Variants in WBP2 observed in about 807,000 individuals in gnomAD.
The protein encoded by WBP2 is WW domain-binding protein 2.
In WBP2, 23 loss-of-function variants were observed where a neutral mutation model predicts 33.0. The observed-to-expected ratio is 0.70, with a 90% CI of 0.50 to 0.99. The LOEUF (loss-of-function observed/expected upper bound fraction) is 0.99, where lower values mean the gene tolerates loss of function less well. WBP2 is among the 50% of genes least tolerant of loss of function. WBP2 has a pLI of 0.00. For missense variants in WBP2, 353 were observed against 358.0 expected, an observed-to-expected ratio of 0.99 and a Z score of 0.11; for synonymous variants, 153 against 133.5, an observed-to-expected ratio of 1.15 and a Z score of -1.01.
At chr17:75,855,056 C>A (rs1314278617) in intron 1 of WBP2, 183 bp downstream of exon 1, 6 of 272,890 alleles carry the variant, frequency 2.2e-5, no homozygotes, top group African/African-American at 4.6e-5. Context: ...CTGATCACAA[C>A]CTCCCGGGCT....
intron 6 of WBP2, 53 bp from the exon 7 acceptor site, chr17:75,847,037 T>A (rs759704169): frequency 1.1e-5 from 18 of 1,608,136 alleles, no homozygotes; most frequent in Non-Finnish European, 1.4e-5. Context: ...CCCCCTGAGC[T>A]CAGCTAAGAG....
At chr17:75,856,303 TC>T (rs2065058334), upstream of WBP2, 1 of 151,582 alleles carries the variant, frequency 6.6e-6, no homozygotes, top group African/African-American at 2.4e-5. Context: ...GGGCTGCACT[TC>T]CCACGTGGTA....
At chr17:75,855,385 G>A, upstream of WBP2, 7 of 1,502,092 alleles carry the variant, frequency 4.7e-6, no homozygotes, top group East Asian at 2.3e-5. Context: ...TCTTATTAGA[G>A]TCAGCCAATC....
Position 75,846,644 on chromosome 17 carries a change from G to A in WBP2, c.*90C>T. 7.1e-7 allele frequency: 1 copy of A among 1,406,668 alleles called. No homozygotes were observed. The highest frequency in any genetic ancestry group is 1.8e-4 in the Middle Eastern group (1 of 5,612). 87.1% of individuals were successfully genotyped at this position (1,406,668 alleles called of 1,614,324 possible). On this transcript the variant is annotated 3_prime_UTR_variant, in exon 8 of 8. Transcript: ENST00000254806. This position sits in a 1 kb window ranked among gnomAD's most constrained non-coding sequence, Gnocchi z 4.8. ...TGATCAGACCTGGAGGGAGAACAAG[G>A]CGCCCCCTCCCCTCCCCAAGCCCCA...
intron 1 of WBP2, chr17:75,852,784 G>A (rs2065035718): frequency 1.0e-5 from 10 of 985,226 alleles, no homozygotes; most frequent in Non-Finnish European, 1.2e-5. Flanking sequence ...AAGTCCTTGT[G>A]ATAGATGTTC....
In WBP2 at chr17:75,845,870, T is replaced by C. The variant is rs567957403; in HGVS notation, c.*864A>G. ...CAGTCCAGGGACAAACAAGAGTGAATGTTAGCGCATCCAGGGGCACAAAGC... is the reference window on the plus strand; with the variant it reads ...CAGTCCAGGGACAAACAAGAGTGAACGTTAGCGCATCCAGGGGCACAAAGC... On this transcript the variant is annotated 3_prime_UTR_variant, in exon 8 of 8. Coordinates refer to ENST00000254806, the MANE Select transcript of WBP2 (RefSeq NM_012478.4). 3 of 152,698 alleles carry C rather than the reference T, an allele frequency of 2.0e-5. No homozygotes were observed. The highest frequency in any genetic ancestry group is 2.9e-5 in the Non-Finnish European group (2 of 68,146). 9.5% of individuals were successfully genotyped at this position (152,698 alleles called of 1,614,324 possible).
At chr17:75,849,365 A>G (rs2065014237) in intron 3 of WBP2, 2 of 482,926 alleles carry the variant, frequency 4.1e-6, no homozygotes, top group South Asian at 6.7e-5. Flanking sequence ...ATCTTGACTC[A>G]GTCCGCAGGC....
At chr17:75,848,475 G>T in intron 4 of WBP2, 95 bp downstream of exon 4, 1 of 1,228,788 alleles carries the variant, frequency 8.1e-7, no homozygotes, top group Non-Finnish European at 1.2e-6. Context: ...TACCTCTTGA[G>T]TTCTTGAAAA....
Position 75,846,619 on chromosome 17 carries a change from T to C in WBP2, c.*115A>G. 1 of 1,259,746 alleles carries C rather than the reference T, an allele frequency of 7.9e-7. No individual in the cohort carries two copies. The highest frequency in any genetic ancestry group is 1.1e-6 in the Non-Finnish European group (1 of 886,780). 78.0% of individuals were successfully genotyped at this position (1,259,746 alleles called of 1,614,324 possible). A position where few individuals can be genotyped will look rare whatever the true frequency, so the allele number is the denominator to read the frequency against. On this transcript the variant is annotated 3_prime_UTR_variant, in exon 8 of 8. Transcript: ENST00000254806. This position sits in a 1 kb window ranked among gnomAD's most constrained non-coding sequence, Gnocchi z 4.8. ...AATGCTAGTTCCTGGTAATTGTTTA[T>C]GATCAGACCTGGAGGGAGAACAAGG...
At position 75,846,694 on chromosome 17, in the gene WBP2, G is replaced by T; in HGVS notation, c.*40C>A. 6.6e-7 allele frequency: 1 copy of T among 1,506,012 alleles called. No individual in the cohort carries two copies. Among genetic ancestry groups the T allele is most frequent in the Non-Finnish European group, 8.9e-7 (1 of 1,122,984 alleles). The allele number at this position is 1,506,012 out of a possible 1,614,324, so 93.3% of individuals were successfully genotyped here. A position where few individuals can be genotyped will look rare whatever the true frequency, so the allele number is the denominator to read the frequency against. On this transcript the variant is annotated 3_prime_UTR_variant, in exon 8 of 8. Coordinates refer to ENST00000254806, the MANE Select transcript of WBP2 (RefSeq NM_012478.4). This position sits in a 1 kb window ranked among gnomAD's most constrained non-coding sequence, Gnocchi z 4.8. ...AGCACAGCCCCGATGGGAGGGGTAGGGTAGAGAGATGAGGGTGGGAGGCAG... is the reference window on the plus strand; with the variant it reads ...AGCACAGCCCCGATGGGAGGGGTAGTGTAGAGAGATGAGGGTGGGAGGCAG...
At chr17:75,855,951 G>A (rs1029685179), upstream of WBP2, among the ~76,000 whole-genome samples, 2 of 152,236 alleles carry the variant, frequency 1.3e-5, no homozygotes, top group Non-Finnish European at 2.9e-5. Flanking sequence ...GAGCCCGGGG[G>A]GCGGGGAGAG....
chr17:75,853,044 A>G (rs1215231442), intron 1 of WBP2, among the ~76,000 whole-genome samples: 2 of 151,954 alleles, frequency 1.3e-5, no homozygotes, highest in African/African-American at 4.8e-5. Context: ...TATTTTAATT[A>G]TAATTTTTTA....
chr17:75,852,184 T>C (rs967725915), intron 1 of WBP2: 7 of 155,174 alleles, frequency 4.5e-5, no homozygotes, highest in South Asian at 1.9e-4. Flanking sequence ...TTTGGGAGGC[T>C]GAGGCGGGTG....
chr17:75,855,339 C>CT, upstream of WBP2: 5 of 1,606,628 alleles, frequency 3.1e-6, no homozygotes, highest in Non-Finnish European at 4.2e-6. Flanking sequence ...ACGCAATGAG[C>CT]TTGCGCCCCT....
chr17:75,847,354 G>T, intron 6 of WBP2, 133 bp downstream of exon 6: 1 of 1,380,176 alleles, frequency 7.2e-7, no homozygotes, highest in Non-Finnish European at 9.9e-7. Flanking sequence ...GCCCTGCTGG[G>T]CCCCTGGGGT....
At chr17:75,849,828 T>C (rs752162405) in intron 2 of WBP2, 89 bp from the exon 3 acceptor site, 18 of 1,521,876 alleles carry the variant, frequency 1.2e-5, no homozygotes, top group Non-Finnish European at 1.6e-5. Flanking sequence ...TGACGAATCC[T>C]CTCCCAGTGC....
At chr17:75,852,350 T>C (rs890364601) in intron 1 of WBP2, 1 of 152,250 alleles carries the variant, frequency 6.6e-6, no homozygotes, top group African/African-American at 2.4e-5. Flanking sequence ...ACCCCGCTTA[T>C]AAAGCCCCCA....
chr17:75,849,896 G>A (rs1269087768), intron 2 of WBP2, among the ~76,000 whole-genome samples, 157 bp from the exon 3 acceptor site: 1 of 152,352 alleles, frequency 6.6e-6, no homozygotes, highest in East Asian at 1.9e-4. Flanking sequence ...GAGAGCTTTG[G>A]AAAGGGAAAG....
upstream of WBP2, chr17:75,855,349 T>A (rs1567828947): frequency 6.3e-7 from 1 of 1,598,674 alleles, no homozygotes; most frequent in East Asian, 2.2e-5. Flanking sequence ...CTTGCGCCCC[T>A]CTTCGCCCCG....
Sources: gnomAD v4.1 joint callset for allele counts (sites outside exome capture counted in the v4.1 genomes callset) on GRCh38, gnomAD v4.1.1 for gene constraint, Gnocchi (gnomAD v3.1) non-coding constraint, MANE v1.5 for transcripts, NCBI Gene and HGNC (gene_info 2026-07-23, HGNC 2026-07-21) for gene names.